The following HFM1 variants were observed in gnomAD, a reference collection of about 807,000 sequenced individuals.
The protein encoded by HFM1 is probable ATP-dependent DNA helicase HFM1.
A neutral mutation model predicts 192.1 loss-of-function variants in HFM1; 169 were observed. The observed-to-expected ratio is 0.88, with a 90% CI of 0.78 to 1.00. The LOEUF (loss-of-function observed/expected upper bound fraction) is 1.00. Ranked by LOEUF, HFM1 falls within the 50% of genes least tolerant of loss-of-function variation. The probability of loss-of-function intolerance (pLI) is 0.00; values close to 1 mark genes in which losing one functional copy is unlikely to be tolerated. For missense variants in HFM1, 1,661 were observed against 1,668.0 expected (o/e 1.00, Z 0.07); for synonymous variants, 525 against 537.8 (o/e 0.98, Z 0.33).
upstream of HFM1, among the ~76,000 whole-genome samples, chr1:91,406,130 A>G (rs937807886): frequency 4.6e-5 from 7 of 152,196 alleles, no homozygotes; most frequent in Non-Finnish European, 1.5e-5. Flanking sequence ...CTCTTTTCCT[A>G]CCATGTGAGG....
intron 30 of HFM1, among the ~76,000 whole-genome samples, chr1:91,295,498 A>G (rs1021129810): frequency 1.3e-5 from 2 of 152,154 alleles, no homozygotes; most frequent in Non-Finnish European, 2.9e-5. Context: ...TAAGAACACC[A>G]GGCATATTGG....
At chr1:91,302,676 C>T (rs993260139) in intron 30 of HFM1, among the ~76,000 whole-genome samples, 4 of 150,558 alleles carry the variant, frequency 2.7e-5, no homozygotes, top group Non-Finnish European at 5.9e-5. Flanking sequence ...AGCAAACTAT[C>T]GCAAGGACAA....
chr1:91,261,454 A>C (rs1206384536), intron 38 of HFM1, 95 bp from the exon 39 acceptor site: 1 of 509,718 alleles, frequency 2.0e-6, no homozygotes, highest in Non-Finnish European at 3.2e-6. Flanking sequence ...ACAATAAAAT[A>C]AACTTGAAGA....
chr1:91,376,211 G>A (rs900354500), intron 11 of HFM1, among the ~76,000 whole-genome samples: 10 of 152,128 alleles, frequency 6.6e-5, no homozygotes, highest in African/African-American at 2.4e-4. Context: ...AGAGATGCCA[G>A]TGCCAAAAGC....
rs1169285467 is a variant in HFM1, at chr1:91,261,096, C to A, written c.*194G>T. On this transcript the variant is annotated 3_prime_UTR_variant, in exon 39 of 39. Transcript: ENST00000370425. ...TTGAAACAAAGCCACTGTAAAAGAG[C>A]TTTTCAAGAAGTTACAATATAATGG... 2.9e-6 allele frequency: 1 copy of A among 347,460 alleles called. No individual in the cohort carries two copies. The highest frequency in any genetic ancestry group is 2.1e-5 in the African/African-American group (1 of 47,148). 21.5% of individuals were successfully genotyped at this position (347,460 alleles called of 1,614,324 possible).
At chr1:91,390,122 GATT>G (rs1662756504) in intron 4 of HFM1, among the ~76,000 whole-genome samples, 1 of 152,134 alleles carries the variant, frequency 6.6e-6, no homozygotes. Flanking sequence ...CCATTTAATG[GATT>G]ATTATTTGGC....
intron 30 of HFM1, among the ~76,000 whole-genome samples, chr1:91,293,155 T>C (rs1361056961): frequency 1.3e-5 from 2 of 152,182 alleles, no homozygotes; most frequent in Admixed American, 6.5e-5. Flanking sequence ...AAGGGCTTCA[T>C]GTCTAAAACA....
Position 91,315,930 on chromosome 1 carries a change from C to T in HFM1, c.3025G>A (p.Val1009Ile), listed in dbSNP as rs773588501. Residue 1009 changes from valine (V) to isoleucine (I), a missense_variant, in exon 28 of 39, where the codon GTT becomes ATT. Val to Ile is a conservative substitution (Grantham distance 29, BLOSUM62 3). Transcript: ENST00000370425. ...SDTTAEILVT[V>I]ILRNFEQLQT... Reference sequence around the variant, plus strand: ...AGCTGTTCAAAATTTCTTAATATAACAGTCACTAATATTTCTGCCGTCGTA... The same window carrying T: ...AGCTGTTCAAAATTTCTTAATATAATAGTCACTAATATTTCTGCCGTCGTA... 2.6e-5 allele frequency: 41 copies of T among 1,594,752 alleles called. No individual in the cohort carries two copies. Among genetic ancestry groups the T allele is most frequent in the Non-Finnish European group, 3.4e-5 (39 of 1,163,248 alleles).
chr1:91,314,593 A>G lies in HFM1; in HGVS notation c.3141-533T>C, dbSNP rs80286958. 3.4e-3 allele frequency among the ~76,000 whole-genome samples: 517 copies of G among 152,180 alleles called. 1 individual carries two copies. Among genetic ancestry groups the G allele is most frequent in the African/African-American group, 0.012 (481 of 41,528 alleles). On this transcript the variant is annotated intron_variant, in intron 28 of 38. Transcript: ENST00000370425. ...TTAATTACAGCTGTTTCCAAGTTGC[A>G]TTTACCATTTTAGTCCCAATAAGAA...
chr1:91,298,997 C>T (rs1020588039), intron 30 of HFM1, among the ~76,000 whole-genome samples: 4 of 152,086 alleles, frequency 2.6e-5, no homozygotes, highest in African/African-American at 9.7e-5. Context: ...GACTGGCAAA[C>T]TGGAGAAAGA....
intron 30 of HFM1, among the ~76,000 whole-genome samples, chr1:91,289,713 C>G (rs1255985053): frequency 6.6e-6 from 1 of 152,106 alleles, no homozygotes; most frequent in Non-Finnish European, 1.5e-5. Flanking sequence ...ATACAAAAAC[C>G]AGTCAGGCGT....
chr1:91,377,804 C>A, intron 11 of HFM1: 1 of 519,516 alleles, frequency 1.9e-6, no homozygotes, highest in Non-Finnish European at 3.4e-6. Flanking sequence ...TACTAGCAAA[C>A]GAGATGTCCA....
At chr1:91,293,167 C>T (rs1668981467) in intron 30 of HFM1, among the ~76,000 whole-genome samples, 1 of 152,050 alleles carries the variant, frequency 6.6e-6, no homozygotes. Flanking sequence ...TCTAAAACAC[C>T]AAAAGCAATG....
rs141511483 is a variant in HFM1 at position 91,306,066 on chromosome 1, G to A, written c.3391+7283C>T. Among the ~76,000 whole-genome samples the A allele has an allele frequency of 7.1e-4, 108 of 152,222 alleles. 1 individual carries two copies. The highest frequency in any genetic ancestry group is 2.5e-3 in the African/African-American group (103 of 41,534). ...TAAGAAGTTCCAGGCCAGGCGTGGTGGCTCACCCTGTAATCCCAGCACTTT... is the reference window on the plus strand; with the variant it reads ...TAAGAAGTTCCAGGCCAGGCGTGGTAGCTCACCCTGTAATCCCAGCACTTT... On this transcript the variant is annotated intron_variant, in intron 30 of 38. Transcript: ENST00000370425.
chr1:91,407,485 G>A (rs1386122015), upstream of HFM1, among the ~76,000 whole-genome samples: 2 of 151,910 alleles, frequency 1.3e-5, no homozygotes, highest in African/African-American at 2.4e-5. Flanking sequence ...CATATAAGTG[G>A]GATCATACAA....
intron 30 of HFM1, among the ~76,000 whole-genome samples, chr1:91,282,153 C>A (rs2100830664): frequency 6.6e-6 from 1 of 152,198 alleles, no homozygotes; most frequent in Non-Finnish European, 1.5e-5. Flanking sequence ...TTTGTTTGTT[C>A]TTTCTTGAAC....
chr1:91,379,120 A>G lies in HFM1; in HGVS notation c.1101T>C (p.Asp367=), dbSNP rs1440984192. ...IGLNCKELTG[D]TVMDDLFEIQ... Reference sequence around the variant, plus strand: ...TCTCAAATAGATCATCCATTACTGTATCTCCAGTAAGTTCTTTACAATTCA... The same window carrying G: ...TCTCAAATAGATCATCCATTACTGTGTCTCCAGTAAGTTCTTTACAATTCA... Residue 367 remains aspartate, a synonymous_variant, in exon 9 of 39, where the codon GAT becomes GAC. Transcript: ENST00000370425. The G allele has an allele frequency of 1.2e-6, 2 of 1,605,818 alleles. No homozygotes were observed. Among genetic ancestry groups the G allele is most frequent in the African/African-American group, 1.3e-5 (1 of 74,536 alleles).
intron 30 of HFM1, among the ~76,000 whole-genome samples, chr1:91,292,306 T>C (rs1394527226): frequency 6.3e-5 from 3 of 47,348 alleles, no homozygotes; most frequent in Non-Finnish European, 1.2e-4. Context: ...GAAAACCCCA[T>C]TGTCTCAGCC....
upstream of HFM1, among the ~76,000 whole-genome samples, chr1:91,405,889 T>C (rs1284591910): frequency 3.3e-5 from 5 of 152,230 alleles, no homozygotes; most frequent in Non-Finnish European, 5.9e-5. Flanking sequence ...TTATCATTCC[T>C]CTCAAAAATA....
Sources: gnomAD v4.1 joint callset for allele counts (sites outside exome capture counted in the v4.1 genomes callset) on GRCh38, gnomAD v4.1.1 for gene constraint, MANE v1.5 for transcripts, NCBI Gene and HGNC (gene_info 2026-07-23, HGNC 2026-07-21) for gene names.